GTF2F2: variants seen among roughly 807,000 people sequenced by gnomAD.
GTF2F2 encodes ATP-dependent helicase GTF2F2.
A neutral mutation model predicts 42.2 loss-of-function variants in GTF2F2; 23 were observed. The observed-to-expected ratio is 0.55, with a 90% CI of 0.39 to 0.77. The LOEUF (loss-of-function observed/expected upper bound fraction) is 0.77. Among genes scored for constraint, GTF2F2 ranks in the 30% least tolerant of loss-of-function variants. GTF2F2 has a pLI of 0.00. For missense variants in GTF2F2, 261 were observed against 287.2 expected (o/e 0.91, Z 0.66); for synonymous variants, 105 against 100.8 (o/e 1.04, Z -0.25).
rs192447936 is a variant in GTF2F2 at position 45,252,858 on chromosome 13, T to C, written c.387-13T>C. 6.6e-4 allele frequency: 732 copies of C among 1,114,094 alleles called. 1 individual carries two copies. Among genetic ancestry groups the C allele is most frequent in the Non-Finnish European group, 7.7e-4 (597 of 778,010 alleles). The allele number at this position is 1,114,094 out of a possible 1,614,324, so 69.0% of individuals were successfully genotyped here. On this transcript the variant is annotated splice_polypyrimidine_tract_variant and intron_variant, in intron 5 of 7. Coordinates refer to ENST00000340473, the MANE Select transcript of GTF2F2 (RefSeq NM_004128.3). ...AAACAAGAGTGTTAATAATGCCTTA[T>C]ATTTTTTTTCAGATTGCAAATAGAA...
chr13:45,212,424 A>ATTTCTTTC (rs369661601), intron 5 of GTF2F2, among the ~76,000 whole-genome samples: 22 of 128,392 alleles, frequency 1.7e-4, no homozygotes, highest in African/African-American at 6.0e-4. Context: ...CCTAGGATTG[A>ATTTCTTTC]TTTCTTTCTT....
At chr13:45,196,463 A>G (rs1872895458) in intron 4 of GTF2F2, among the ~76,000 whole-genome samples, 1 of 152,238 alleles carries the variant, frequency 6.6e-6, no homozygotes, top group South Asian at 2.1e-4. Context: ...GAAATACTGA[A>G]TAGATTTTGA....
chr13:45,274,533 A>G (rs1021981919), intron 7 of GTF2F2, among the ~76,000 whole-genome samples: 10 of 151,966 alleles, frequency 6.6e-5, no homozygotes, highest in Admixed American at 4.6e-4. Flanking sequence ...GTTTCACTGT[A>G]TTAGCCAGGA....
At chr13:45,216,297 A>G (rs1873885746) in intron 5 of GTF2F2, among the ~76,000 whole-genome samples, 1 of 152,116 alleles carries the variant, frequency 6.6e-6, no homozygotes, top group African/African-American at 2.4e-5. Flanking sequence ...CCTTCTTGTG[A>G]TCTCTGATAT....
Position 45,274,102 on chromosome 13 carries a change from G to A in GTF2F2, c.630+6726G>A, listed in dbSNP as rs143179861. Among the ~76,000 whole-genome samples the A allele has an allele frequency of 5.9e-4, 89 of 152,034 alleles. 1 individual carries two copies. The East Asian group carries it at 0.017, about 28-fold the overall frequency. On this transcript the variant is annotated intron_variant, in intron 7 of 7. Transcript: ENST00000340473. ...TGCCAGCACTGGCCTTCTTCACTTC[G>A]GTATTGCAGCATTACAGAGCCATTT...
intron 7 of GTF2F2, among the ~76,000 whole-genome samples, chr13:45,273,654 A>ATTTTTTTTTTTT (rs1331934269): frequency 6.3e-5 from 7 of 110,906 alleles, no homozygotes; most frequent in African/African-American, 1.5e-4. Context: ...AGAGTGGTAA[A>ATTTTTTTTTTTT]ATTTTTTTTT....
intron 5 of GTF2F2, among the ~76,000 whole-genome samples, chr13:45,228,539 G>A (rs1376554218): frequency 6.7e-6 from 1 of 149,406 alleles, no homozygotes; most frequent in Non-Finnish European, 1.5e-5. Flanking sequence ...TGCTTACCAT[G>A]CTCACACACC....
intron 5 of GTF2F2, among the ~76,000 whole-genome samples, chr13:45,247,168 T>G (rs1007888800): frequency 6.6e-6 from 1 of 151,788 alleles, no homozygotes; most frequent in Non-Finnish European, 1.5e-5. Context: ...TGACCAACAT[T>G]GCAAAACCCT....
chr13:45,158,320 A>G (rs912663286), intron 4 of GTF2F2, among the ~76,000 whole-genome samples: 2 of 152,166 alleles, frequency 1.3e-5, no homozygotes, highest in African/African-American at 4.8e-5. Context: ...CCACCATGTA[A>G]GACATGCCTT....
intron 2 of GTF2F2, among the ~76,000 whole-genome samples, chr13:45,140,141 CAG>C (rs963374280): frequency 1.3e-5 from 2 of 149,230 alleles, no homozygotes; most frequent in Admixed American, 6.7e-5. Flanking sequence ...CTCGTAGAGG[CAG>C]AGTCTCCCTG....
rs554124432 is a variant in GTF2F2, at chr13:45,128,889, G to C, written c.67-7844G>C. Among the ~76,000 whole-genome samples, 57 of 151,998 alleles carry C rather than the reference G, an allele frequency of 3.8e-4. 1 individual carries two copies. The highest frequency in any genetic ancestry group is 2.5e-3 in the South Asian group (12 of 4,794). On this transcript the variant is annotated intron_variant, in intron 1 of 7. Coordinates refer to ENST00000340473, the MANE Select transcript of GTF2F2 (RefSeq NM_004128.3). ...ATTATAGGTGTGAGCCACCATGCCC[G>C]ACACAATGTTTTTAAGTTGGCAGTT...
chr13:45,185,925 A>G (rs1431239486), intron 4 of GTF2F2, among the ~76,000 whole-genome samples: 1 of 152,102 alleles, frequency 6.6e-6, no homozygotes, highest in African/African-American at 2.4e-5. Context: ...AAAAATCAAA[A>G]TAGTTTTGTT....
At chr13:45,132,172 G>A (rs972700099) in intron 1 of GTF2F2, among the ~76,000 whole-genome samples, 8 of 152,180 alleles carry the variant, frequency 5.3e-5, no homozygotes, top group African/African-American at 1.9e-4. Flanking sequence ...CATGGGCTTA[G>A]TAGTTTAAAA....
intron 2 of GTF2F2, among the ~76,000 whole-genome samples, chr13:45,139,897 A>G (rs1869836845): frequency 6.6e-6 from 1 of 152,082 alleles, no homozygotes; most frequent in Admixed American, 6.5e-5. Context: ...CCCATACCAA[A>G]ATCTACCATG....
chr13:45,260,233 G>A (rs1224186802), intron 6 of GTF2F2, among the ~76,000 whole-genome samples: 2 of 152,110 alleles, frequency 1.3e-5, no homozygotes, highest in African/African-American at 4.8e-5. Flanking sequence ...AAAGTTCTAT[G>A]CATAAATTTG....
intron 5 of GTF2F2, among the ~76,000 whole-genome samples, chr13:45,212,215 A>T (rs1873679534): frequency 6.6e-6 from 1 of 152,196 alleles, no homozygotes; most frequent in Admixed American, 6.5e-5. Flanking sequence ...ACAATTTTTC[A>T]GGGCCTCCTT....
At chr13:45,253,369 T>TA (rs1875957786) in intron 6 of GTF2F2, among the ~76,000 whole-genome samples, 3 of 152,296 alleles carry the variant, frequency 2.0e-5, no homozygotes, top group African/African-American at 4.8e-5. Flanking sequence ...TTTAATGTGT[T>TA]AAAAAATTTT....
At chr13:45,268,432 C>T (rs949222050) in intron 7 of GTF2F2, among the ~76,000 whole-genome samples, 3 of 152,034 alleles carry the variant, frequency 2.0e-5, no homozygotes, top group African/African-American at 7.2e-5. Flanking sequence ...TATTTCTTTA[C>T]TATTATACAT....
chr13:45,193,642 C>T (rs1488702325), intron 4 of GTF2F2: 4 of 680,224 alleles, frequency 5.9e-6, no homozygotes, highest in Non-Finnish European at 7.4e-6. Flanking sequence ...ATAGAATTTA[C>T]ATACCGTTAG....
Sources: allele counts gnomAD v4.1 joint callset (sites outside exome capture counted in the v4.1 genomes callset), GRCh38; gene constraint gnomAD v4.1.1; transcripts MANE v1.5; gene names NCBI Gene and HGNC (gene_info 2026-07-23, HGNC 2026-07-21).